Variants in ACTL8 observed in about 807,000 individuals in gnomAD.
The protein encoded by ACTL8 is actin-like protein 8.
In ACTL8, 3 loss-of-function variants were observed where a neutral mutation model predicts 9.3. That is an observed-to-expected ratio of 0.32 (90% CI 0.15 to 0.83). ACTL8 has a LOEUF of 0.83. Ranked by LOEUF, ACTL8 falls within the 40% of genes least tolerant of loss-of-function variation. The pLI, the probability that ACTL8 is intolerant of heterozygous loss-of-function variation, is 0.57. For synonymous variants in ACTL8, 224 were observed against 205.9 expected (o/e 1.09, Z -0.75); for missense variants, 381 against 492.2 (o/e 0.77, Z 2.14).
At chr1:17,822,721 C>G (rs1356706771) in intron 1 of ACTL8, among the ~76,000 whole-genome samples, 1 of 151,928 alleles carries the variant, frequency 6.6e-6, no homozygotes, top group African/African-American at 2.4e-5. Context: ...CATGTGTGTG[C>G]AAAGTGCAGT....
rs149931042 is a variant in ACTL8, at chr1:17,795,131, G to A, written c.-24-27854G>A. On this transcript the variant is annotated intron_variant, in intron 1 of 2. Coordinates refer to ENST00000375406, the MANE Select transcript of ACTL8 (RefSeq NM_030812.3). Reference sequence around the variant, plus strand: ...GTCCAGGTACGTTAATAGCATTCTCGCTCGCACTGCTGTGTAATAGCTTCC... The same window carrying A: ...GTCCAGGTACGTTAATAGCATTCTCACTCGCACTGCTGTGTAATAGCTTCC... 4.4e-3 allele frequency among the ~76,000 whole-genome samples: 666 copies of A among 152,294 alleles called. 3 individuals carry two copies. The highest frequency in any genetic ancestry group is 0.017 in the Middle Eastern group (5 of 294).
rs748352763 is a variant in ACTL8 at position 17,826,489 on chromosome 1, A to G, written c.1071A>G (p.Arg357=). ...CCTACCAGTCTGAGTGGATGTCCCG[A>G]GAGGAGTATGGTGAGCATATGAGGA... ...LSTYQSEWMS[R]EEYGEHMRM Residue 357 remains arginine (R), a synonymous_variant, in exon 3 of 3, where the codon CGA becomes CGG. Transcript: ENST00000375406. This position sits in a 1 kb window ranked among gnomAD's most constrained non-coding sequence, Gnocchi z 4.5. The G allele has an allele frequency of 1.3e-6, 2 of 1,599,730 alleles. No individual in the cohort carries two copies. The highest frequency in any genetic ancestry group is 3.4e-5 in the Admixed American group (2 of 59,154).
At chr1:17,820,917 A>G (rs767431458) in intron 1 of ACTL8, among the ~76,000 whole-genome samples, 2 of 152,162 alleles carry the variant, frequency 1.3e-5, no homozygotes, top group Non-Finnish European at 1.5e-5. Context: ...CCAGCTGTGC[A>G]TGGGATTTCC....
At chr1:17,769,479 C>T (rs1030838204) in intron 1 of ACTL8, among the ~76,000 whole-genome samples, 5 of 145,702 alleles carry the variant, frequency 3.4e-5, no homozygotes, top group African/African-American at 9.9e-5. Context: ...CAGGGCTGAG[C>T]TGAGTCCTGC....
chr1:17,756,588 A>G (rs1362579549), intron 1 of ACTL8, among the ~76,000 whole-genome samples: 1 of 152,288 alleles, frequency 6.6e-6, no homozygotes, highest in East Asian at 1.9e-4. Context: ...TTTCCCTGTA[A>G]AAATCACTGT....
At chr1:17,760,389 C>G (rs551934658) in intron 1 of ACTL8, among the ~76,000 whole-genome samples, 76 of 152,290 alleles carry the variant, frequency 5.0e-4, no homozygotes, top group Admixed American at 4.0e-3. Flanking sequence ...TGTCTTTTTC[C>G]TAAACTGTGA....
rs544255934 is a variant in ACTL8 at position 17,792,780 on chromosome 1, C to T, written c.-24-30205C>T. On this transcript the variant is annotated intron_variant, in intron 1 of 2. Coordinates refer to ENST00000375406, the MANE Select transcript of ACTL8 (RefSeq NM_030812.3). ...CATGACTTTAGGGCTCACTAAGAAC[C>T]TTCCCTAGCAGGGGTGTATATGGGA... Among the ~76,000 whole-genome samples, 3 of 152,314 alleles carry T rather than the reference C, an allele frequency of 2.0e-5. No individual in the cohort carries two copies. In the South Asian group the frequency reaches 6.2e-4, roughly 32 times the overall value.
chr1:17,790,726 G>C (rs1346260496), intron 1 of ACTL8, among the ~76,000 whole-genome samples: 4 of 152,226 alleles, frequency 2.6e-5, no homozygotes, highest in Non-Finnish European at 5.9e-5. Context: ...CCAGGAAACT[G>C]TCTGCCTCCT....
chr1:17,756,251 T>A (rs899600950), intron 1 of ACTL8, among the ~76,000 whole-genome samples: 7 of 151,884 alleles, frequency 4.6e-5, no homozygotes, highest in African/African-American at 7.3e-5. Context: ...TCTTGGGAAC[T>A]TTTTTTTAAA....
intron 1 of ACTL8, among the ~76,000 whole-genome samples, chr1:17,756,495 A>G (rs189705588): frequency 5.2e-4 from 79 of 152,198 alleles, no homozygotes; most frequent in African/African-American, 1.8e-3. Context: ...TTCTGTATTA[A>G]TTATCGTTCT....
intron 1 of ACTL8, among the ~76,000 whole-genome samples, chr1:17,803,649 T>G (rs938215095): frequency 9.2e-5 from 14 of 152,274 alleles, no homozygotes; most frequent in Admixed American, 7.8e-4. Flanking sequence ...TGTCCTTATT[T>G]AGCAGCATGA....
chr1:17,786,052 C>T (rs986988744), intron 1 of ACTL8, among the ~76,000 whole-genome samples: 3 of 152,242 alleles, frequency 2.0e-5, no homozygotes, highest in African/African-American at 7.2e-5. Flanking sequence ...CTGGGCCTGT[C>T]CTTGGGTGCT....
At chr1:17,765,509 G>C (rs942283290) in intron 1 of ACTL8, among the ~76,000 whole-genome samples, 5 of 152,138 alleles carry the variant, frequency 3.3e-5, no homozygotes, top group Non-Finnish European at 7.4e-5. Context: ...TGAGGAAACC[G>C]AGGCCCAGGA....
chr1:17,785,868 G>A (rs971874807), intron 1 of ACTL8, among the ~76,000 whole-genome samples: 2 of 152,130 alleles, frequency 1.3e-5, no homozygotes, highest in Non-Finnish European at 2.9e-5. Flanking sequence ...GCAAAGCTTA[G>A]CTGGGTCTCC....
chr1:17,759,843 G>A (rs1287104031), intron 1 of ACTL8, among the ~76,000 whole-genome samples: 1 of 152,128 alleles, frequency 6.6e-6, no homozygotes, highest in Non-Finnish European at 1.5e-5. Context: ...GCCCTGGGGG[G>A]CAGCAGCTGC....
chr1:17,761,312 C>T (rs188525229), intron 1 of ACTL8, among the ~76,000 whole-genome samples: 5 of 151,902 alleles, frequency 3.3e-5, no homozygotes, highest in East Asian at 1.9e-4. Flanking sequence ...AAGGGCCTAG[C>T]GCAGTGCCTG....
chr1:17,826,151 C>T lies in ACTL8; in HGVS notation c.733C>T (p.Arg245Cys), dbSNP rs3795322. 8.2e-4 allele frequency: 1,321 copies of T among 1,611,992 alleles called. 10 individuals carry two copies. In the East Asian group the frequency reaches 0.023, roughly 28 times the overall value. The stretch of plus-strand genomic sequence containing the variant: ...CACCTATCAGCTCCCAGACGGCTCC[C>T]GCGTGGAGCTGACCCCCATGCAGCG... ...SNTYQLPDGS[R>C]VELTPMQRVA... Residue 245 changes from arginine to cysteine, a missense_variant, in exon 3 of 3, where the codon CGC (arginine) becomes TGC (cysteine). Physicochemically the swap from Arg to Cys is radical, Grantham distance 180. Coordinates refer to ENST00000375406, the MANE Select transcript of ACTL8 (RefSeq NM_030812.3). The surrounding 1 kb of genome is among the most constrained non-coding windows in gnomAD (Gnocchi z 4.5).
At chr1:17,802,774 G>C (rs2066330886) in intron 1 of ACTL8, among the ~76,000 whole-genome samples, 1 of 152,124 alleles carries the variant, frequency 6.6e-6, no homozygotes. Flanking sequence ...CTTGAGGTCA[G>C]GAGTGTGAGA....
At chr1:17,781,827 GC>G (rs1200457770) in intron 1 of ACTL8, among the ~76,000 whole-genome samples, 1 of 152,014 alleles carries the variant, frequency 6.6e-6, no homozygotes, top group Non-Finnish European at 1.5e-5. Flanking sequence ...ATTTGTTAGG[GC>G]CCCCACAGAT....
Sources: gnomAD v4.1 joint callset for allele counts (sites outside exome capture counted in the v4.1 genomes callset) on GRCh38, gnomAD v4.1.1 for gene constraint, Gnocchi (gnomAD v3.1) non-coding constraint, MANE v1.5 for transcripts, NCBI Gene and HGNC (gene_info 2026-07-23, HGNC 2026-07-21) for gene names.